The following DACH2 variants were observed in gnomAD, a reference collection of about 807,000 sequenced individuals.
The protein encoded by DACH2 is dachshund family transcription factor 2.
In DACH2, 17 loss-of-function variants were observed where a neutral mutation model predicts 35.8. The ratio of observed to expected loss-of-function variants is 0.48; its 90% confidence interval spans 0.33 to 0.71. The LOEUF (loss-of-function observed/expected upper bound fraction) is 0.71, where lower values mean the gene tolerates loss of function less well. Among genes scored for constraint, DACH2 ranks in the 30% least tolerant of loss-of-function variants. The pLI, the probability that DACH2 is intolerant of heterozygous loss-of-function variation, is 0.02. For synonymous variants in DACH2, 195 were observed against 177.3 expected, an observed-to-expected ratio of 1.10 and a Z score of -0.79; for missense variants, 469 against 472.7, an observed-to-expected ratio of 0.99 and a Z score of 0.07.
intron 1 of DACH2, among the ~76,000 whole-genome samples, chrX:86,367,994 A>G (rs2035830582): frequency 9.0e-6 from 1 of 111,283 alleles, no homozygotes; most frequent in Non-Finnish European, 1.9e-5. Context: ...ATAACAATCC[A>G]TTCTGTGCAT....
intron 1 of DACH2, among the ~76,000 whole-genome samples, chrX:86,269,054 A>G (rs751644176): frequency 1.8e-5 from 2 of 110,732 alleles, no homozygotes; most frequent in African/African-American, 3.3e-5. Context: ...CTGTTGTGCT[A>G]TCAAATACTA....
At chrX:86,517,584 A>AT (rs1602600700) in intron 3 of DACH2, among the ~76,000 whole-genome samples, 2 of 108,627 alleles carry the variant, frequency 1.8e-5, no homozygotes, top group South Asian at 8.1e-4. Flanking sequence ...ACCTGGCTAA[A>AT]TTTTTTTGTA....
chrX:86,738,119 T>A (rs1279231202), intron 6 of DACH2, among the ~76,000 whole-genome samples: 1 of 111,445 alleles, frequency 9.0e-6, no homozygotes, highest in Non-Finnish European at 1.9e-5. Context: ...TCCACTAAGA[T>A]AATCCAGTAT....
At chrX:86,538,383 C>T (rs148494557) in intron 3 of DACH2, among the ~76,000 whole-genome samples, 1,277 of 111,901 alleles carry the variant, frequency 0.011, 29 homozygotes, top group African/African-American at 0.04. Flanking sequence ...ATTATTCCAG[C>T]CTCTACTAAT....
rs904779513 is a variant in DACH2 at position 86,359,930 on chromosome X, G to A, written c.489-16894G>A. Among the ~76,000 whole-genome samples, 6 of 109,774 alleles carry A rather than the reference G, an allele frequency of 5.5e-5. No individual in the cohort carries two copies. In the East Asian group the frequency reaches 1.7e-3, roughly 31 times the overall value. Reference sequence around the variant, plus strand: ...GCTCTGATGCTCAGGCTGGAGTACAGTGGTGCATGCAACTAGATCACCGCT... The same window carrying A: ...GCTCTGATGCTCAGGCTGGAGTACAATGGTGCATGCAACTAGATCACCGCT... On this transcript the variant is annotated intron_variant, in intron 1 of 11. Coordinates refer to ENST00000373125, the MANE Select transcript of DACH2 (RefSeq NM_053281.3).
intron 2 of DACH2, among the ~76,000 whole-genome samples, chrX:86,398,229 G>C (rs1428017631): frequency 1.8e-5 from 2 of 112,141 alleles, no homozygotes; most frequent in African/African-American, 3.2e-5. Context: ...GGGATCGGTG[G>C]TGATATCCCC....
At chrX:86,761,917 T>G (rs1485785392) in intron 7 of DACH2, among the ~76,000 whole-genome samples, 2 of 81,608 alleles carry the variant, frequency 2.5e-5, no homozygotes, top group Non-Finnish European at 4.4e-5. Context: ...GCTTAGATGC[T>G]AGGACTAGAA....
chrX:86,416,922 C>T (rs181471463), intron 2 of DACH2, among the ~76,000 whole-genome samples: 13 of 108,865 alleles, frequency 1.2e-4, no homozygotes, highest in Non-Finnish European at 2.1e-4. Flanking sequence ...GGCGAAACCC[C>T]GTCACTACTA....
chrX:86,588,441 G>T (rs1217794279), intron 3 of DACH2, among the ~76,000 whole-genome samples: 1 of 111,675 alleles, frequency 9.0e-6, no homozygotes, highest in African/African-American at 3.2e-5. Flanking sequence ...TAAATCTGTC[G>T]ATTGCTTTTG....
intron 2 of DACH2, among the ~76,000 whole-genome samples, chrX:86,461,212 A>G: frequency 8.9e-6 from 1 of 111,796 alleles, no homozygotes; most frequent in Non-Finnish European, 1.9e-5. Flanking sequence ...TCATCATTAT[A>G]TACCACCCAA....
intron 6 of DACH2, among the ~76,000 whole-genome samples, chrX:86,725,065 T>C (rs1313247803): frequency 9.1e-6 from 1 of 109,986 alleles, no homozygotes; most frequent in Non-Finnish European, 1.9e-5. Context: ...TCTTGGTAAA[T>C]TTCGCATTTA....
chrX:86,542,128 C>A (rs2148299751), intron 3 of DACH2, among the ~76,000 whole-genome samples: 1 of 111,029 alleles, frequency 9.0e-6, no homozygotes, highest in East Asian at 2.8e-4. Context: ...GCTTTTTATC[C>A]ATTTCTCTGC....
intron 3 of DACH2, among the ~76,000 whole-genome samples, chrX:86,585,586 G>A (rs2039560053): frequency 9.1e-6 from 1 of 110,217 alleles, no homozygotes; most frequent in African/African-American, 3.3e-5. Context: ...GGTAGGCCCT[G>A]GTGTCTATTG....
At position 86,373,021 on chromosome X, in the gene DACH2, C is replaced by A. The variant is rs751983656; in HGVS notation, c.489-3803C>A. Among the ~76,000 whole-genome samples, 194 of 111,225 alleles carry A rather than the reference C, an allele frequency of 1.7e-3. 1 individual carries two copies. The highest frequency in any genetic ancestry group is 6.1e-3 in the African/African-American group (188 of 30,660). ...GACATGATTTTGTTCTTTTTTATGG[C>A]TGTGTAATATTCCATGGTATACATA... On this transcript the variant is annotated intron_variant, in intron 1 of 11. Coordinates refer to ENST00000373125, the MANE Select transcript of DACH2 (RefSeq NM_053281.3).
chrX:86,327,783 A>C (rs1035182512), intron 1 of DACH2, among the ~76,000 whole-genome samples: 6 of 111,880 alleles, frequency 5.4e-5, no homozygotes, highest in African/African-American at 1.9e-4. Flanking sequence ...ATTGGAACTT[A>C]GTTTTTGAGA....
At position 86,181,407 on chromosome X, in the gene DACH2, C is replaced by T. The variant is rs1420937621; in HGVS notation, c.488+32299C>T. Among the ~76,000 whole-genome samples, 4 of 110,948 alleles carry T rather than the reference C, an allele frequency of 3.6e-5. No individual in the cohort carries two copies. In the Admixed American group the frequency reaches 3.9e-4, roughly 11 times the overall value. Reference sequence around the variant, plus strand: ...GTGTTCATGTGTTCTCATTGTTCAACTCCCATTTATGAGTGAAAACATGCG... The same window carrying T: ...GTGTTCATGTGTTCTCATTGTTCAATTCCCATTTATGAGTGAAAACATGCG... On this transcript the variant is annotated intron_variant, in intron 1 of 11. Transcript: ENST00000373125.
intron 2 of DACH2, among the ~76,000 whole-genome samples, chrX:86,507,486 AC>A (rs1166921312): frequency 1.4e-4 from 13 of 89,762 alleles, no homozygotes; most frequent in East Asian, 3.5e-4. Context: ...AAAAAAAAAA[AC>A]CAGCGGCAGT....
rs186114707 is a variant in DACH2 at position 86,494,647 on chromosome X, T to G, written c.528-19632T>G. On this transcript the variant is annotated intron_variant, in intron 2 of 11. Transcript: ENST00000373125. ...CTCATCAATATGTTTAATCTTGTAT[T>G]TTTTTGGTATAAACCACTGTGCATA... Among the ~76,000 whole-genome samples the G allele has an allele frequency of 5.0e-3, 561 of 112,548 alleles. 5 individuals are homozygous for G. The highest frequency in any genetic ancestry group is 0.017 in the African/African-American group (533 of 30,993).
chrX:86,540,970 A>T (rs1409589901), intron 3 of DACH2, among the ~76,000 whole-genome samples: 1 of 111,929 alleles, frequency 8.9e-6, no homozygotes. Context: ...CTCACTTTAT[A>T]GTTCTTATGA....
Sources: gnomAD v4.1 joint callset for allele counts (sites outside exome capture counted in the v4.1 genomes callset) on GRCh38, gnomAD v4.1.1 for gene constraint, MANE v1.5 for transcripts, NCBI Gene and HGNC (gene_info 2026-07-23, HGNC 2026-07-21) for gene names.